ZNF738: variants seen among roughly 807,000 people sequenced by gnomAD.
The protein encoded by ZNF738 is zinc finger protein 738, also known as protein ZNF738.
A neutral mutation model predicts 9.2 loss-of-function variants in ZNF738; 10 were observed. That is an observed-to-expected ratio of 1.09 (90% CI 0.67 to 1.85). The LOEUF (loss-of-function observed/expected upper bound fraction) is 1.85. ZNF738 is among the 40% of genes most tolerant of loss of function. The probability of loss-of-function intolerance (pLI) is 0.00; values close to 1 mark genes in which losing one functional copy is unlikely to be tolerated. For synonymous variants in ZNF738, 113 were observed against 94.5 expected (o/e 1.20, Z -1.14); for missense variants, 346 against 283.6 (o/e 1.22, Z -1.58).
chr19:21,359,025 G>T lies in ZNF738; in HGVS notation c.-116G>T. Reference sequence around the variant, plus strand: ...GTCTTTGGCTGCCGCTGGAACTCCGGGTCTCGTCTTCACTGCTCTGTGTCC... The same window carrying T: ...GTCTTTGGCTGCCGCTGGAACTCCGTGTCTCGTCTTCACTGCTCTGTGTCC... On this transcript the variant is annotated 5_prime_UTR_variant, in exon 1 of 5. Coordinates refer to ENST00000683779, the MANE Select transcript of ZNF738 (RefSeq NM_001355237.2). The T allele has an allele frequency of 1.3e-6, 1 of 782,016 alleles. No homozygotes were observed. Among genetic ancestry groups the T allele is most frequent in the Non-Finnish European group, 2.3e-6 (1 of 429,052 alleles). 48.4% of individuals were successfully genotyped at this position (782,016 alleles called of 1,614,324 possible).
intron 2 of ZNF738, among the ~76,000 whole-genome samples, chr19:21,363,995 G>A (rs557994554): frequency 2.6e-5 from 4 of 151,668 alleles, no homozygotes; most frequent in Non-Finnish European, 5.9e-5. Flanking sequence ...TCAGGAGTTC[G>A]AGACCAGCCT....
chr19:21,379,055 T>TTTA (rs1193136064), intron 4 of ZNF738: 1 of 19,164 alleles, frequency 5.2e-5, no homozygotes, highest in Admixed American at 2.7e-4. Flanking sequence ...TCTGTTATTT[T>TTTA]TTATATTTTT....
chr19:21,383,260 C>T lies in ZNF738; in HGVS notation c.714C>T (p.Gly238=), dbSNP rs553462560. The T allele has an allele frequency of 2.5e-6, 4 of 1,584,616 alleles. No homozygotes were observed. Among genetic ancestry groups the T allele is most frequent in the Admixed American group, 1.7e-5 (1 of 59,232 alleles). The part of the protein sequence containing the change: ...RENSYQCEEC[G]KAFKWFSTLT... The stretch of plus-strand genomic sequence containing the variant: ...ATTCTTACCAATGTGAAGAATGTGG[C>T]AAAGCCTTTAAATGGTTCTCAACCC... The change falls in exon 5 of 5, where the codon GGC becomes GGT. Residue 238 remains glycine (G), a synonymous_variant. Coordinates refer to ENST00000683779, the MANE Select transcript of ZNF738 (RefSeq NM_001355237.2).
In ZNF738 at chr19:21,383,440, A is replaced by G. The variant is rs62110374; in HGVS notation, c.894A>G (p.Lys298=). Residue 298 remains lysine (K), a synonymous_variant, in exon 5 of 5, where the codon AAA becomes AAG. Transcript: ENST00000683779. ...GTGAAAAATGTGGCAAAGATTTTAAACAGTCCTCACACCTTACTAAACATA... is the reference window on the plus strand; with the variant it reads ...GTGAAAAATGTGGCAAAGATTTTAAGCAGTCCTCACACCTTACTAAACATA... The part of the protein sequence containing the change: ...YKCEKCGKDF[K]QSSHLTKHKT... 74 of 532,742 alleles carry G rather than the reference A, an allele frequency of 1.4e-4. No homozygotes were observed. The highest frequency in any genetic ancestry group is 2.3e-4 in the Non-Finnish European group (69 of 296,504). The allele number at this position is 532,742 out of a possible 1,614,324, so 33.0% of individuals were successfully genotyped here.
At chr19:21,361,440 C>A (rs12975081) in intron 1 of ZNF738, among the ~76,000 whole-genome samples, 86,092 of 152,154 alleles carry the variant, frequency 0.57, 24,650 homozygotes, top group Middle Eastern at 0.68. Context: ...ACACCCAGAC[C>A]AATGGTACTT....
chr19:21,382,996 T>G lies in ZNF738; in HGVS notation c.450T>G (p.Ser150Arg), dbSNP rs1251528016. Residue 150 changes from serine (S) to arginine (R), a missense_variant, in exon 5 of 5, where the codon AGT becomes AGG. Coordinates refer to ENST00000683779, the MANE Select transcript of ZNF738 (RefSeq NM_001355237.2). Reference sequence around the variant, plus strand: ...TACAGTTAAGAAAAGGCTGTAAAAGTGTGAATGAGTGTAATGTGCAAAAAG... The same window carrying G: ...TACAGTTAAGAAAAGGCTGTAAAAGGGTGAATGAGTGTAATGTGCAAAAAG... ...KDLQLRKGCK[S>R]VNECNVQKEG... 2.8e-6 allele frequency: 2 copies of G among 710,498 alleles called. No homozygotes were observed. The highest frequency in any genetic ancestry group is 5.2e-6 in the Non-Finnish European group (2 of 384,770). The allele number at this position is 710,498 out of a possible 1,614,324, so 44.0% of individuals were successfully genotyped here. A position where few individuals can be genotyped will look rare whatever the true frequency, so the allele number is the denominator to read the frequency against.
intron 4 of ZNF738, chr19:21,381,150 G>T: frequency 1.1e-6 from 1 of 929,796 alleles, no homozygotes; most frequent in South Asian, 1.6e-5. Context: ...AGAGTCACAT[G>T]ATTTCTGCAG....
In ZNF738 at chr19:21,383,224, T is replaced by A. The variant is rs200769773; in HGVS notation, c.678T>A (p.His226Gln). The part of the protein sequence containing the change: ...LLHLGQHKII[H>Q]IRENSYQCEE... ...ACCTAGGTCAACATAAAATAATTCA[T>A]ATTAGAGAGAATTCTTACCAATGTG... Residue 226 changes from histidine to glutamine, a missense_variant, in exon 5 of 5, where the codon CAT (histidine) becomes CAA (glutamine). Transcript: ENST00000683779. 20 of 1,594,868 alleles carry A rather than the reference T, an allele frequency of 1.3e-5. No individual in the cohort carries two copies. The East Asian group carries it at 4.5e-4, about 36-fold the overall frequency.
intron 1 of ZNF738, among the ~76,000 whole-genome samples, 175 bp from the exon 2 acceptor site, chr19:21,361,591 T>C (rs1973693198): frequency 6.6e-6 from 1 of 152,226 alleles, no homozygotes; most frequent in African/African-American, 2.4e-5. Flanking sequence ...CGGAATTTTT[T>C]TGGGTCAGAG....
intron 4 of ZNF738, chr19:21,381,385 T>A (rs1447090926): frequency 6.5e-7 from 1 of 1,526,880 alleles, no homozygotes; most frequent in Non-Finnish European, 9.1e-7. Context: ...GAATAACTTC[T>A]TCATCAGAAT....
rs758757360 is a variant in ZNF738, at chr19:21,377,412, A to G, written c.319+1448A>G. The G allele has an allele frequency of 1.1e-5, 8 of 706,012 alleles. No homozygotes were observed. In the Middle Eastern group the frequency reaches 7.5e-4, roughly 66 times the overall value. 43.7% of individuals were successfully genotyped at this position (706,012 alleles called of 1,614,324 possible). A position where few individuals can be genotyped will look rare whatever the true frequency, so the allele number is the denominator to read the frequency against. On this transcript the variant is annotated intron_variant, in intron 4 of 4. Coordinates refer to ENST00000683779, the MANE Select transcript of ZNF738 (RefSeq NM_001355237.2). ...AGAAAGTGGGGTATTGAAATTTCCT[A>G]CTATAATTATATTGCTGTCTAGGTG...
chr19:21,366,733 C>G (rs542972014), intron 2 of ZNF738, among the ~76,000 whole-genome samples: 2 of 152,060 alleles, frequency 1.3e-5, no homozygotes, highest in Non-Finnish European at 1.5e-5. Flanking sequence ...ATTTATATAT[C>G]TCCTTTTTAG....
In ZNF738 at chr19:21,386,475, C is replaced by T. The variant is rs1041111829; in HGVS notation, c.*2801C>T. On this transcript the variant is annotated 3_prime_UTR_variant, in exon 5 of 5. Transcript: ENST00000683779. Reference sequence around the variant, plus strand: ...AGTCCTCAACTCCCACTAAACATAACATAATTCATACTGGAGAGAAACCTC... The same window carrying T: ...AGTCCTCAACTCCCACTAAACATAATATAATTCATACTGGAGAGAAACCTC... The T allele has an allele frequency of 9.2e-6, 3 of 326,550 alleles. No homozygotes were observed. Among genetic ancestry groups the T allele is most frequent in the South Asian group, 3.1e-5 (1 of 32,154 alleles). 20.2% of individuals were successfully genotyped at this position (326,550 alleles called of 1,614,324 possible). A position where few individuals can be genotyped will look rare whatever the true frequency, so the allele number is the denominator to read the frequency against.
intron 2 of ZNF738, among the ~76,000 whole-genome samples, chr19:21,364,466 T>C (rs886064570): frequency 6.6e-6 from 1 of 152,032 alleles, no homozygotes; most frequent in Non-Finnish European, 1.5e-5. Flanking sequence ...CAAAGTTCAG[T>C]AGCCTGTGAA....
chr19:21,366,738 T>C (rs561250648), intron 2 of ZNF738, among the ~76,000 whole-genome samples: 1 of 152,308 alleles, frequency 6.6e-6, no homozygotes, highest in Non-Finnish European at 1.5e-5. Flanking sequence ...TATATCTCCT[T>C]TTTAGACCTT....
chr19:21,360,187 T>C (rs527527497), intron 1 of ZNF738, among the ~76,000 whole-genome samples: 1 of 152,158 alleles, frequency 6.6e-6, no homozygotes, highest in South Asian at 2.1e-4. Context: ...AGTTAGATTT[T>C]TTAAATTGAA....
chr19:21,379,446 T>A (rs1448939097), intron 4 of ZNF738: 1 of 152,210 alleles, frequency 6.6e-6, no homozygotes, highest in East Asian at 1.9e-4. Flanking sequence ...TATTTTTTAG[T>A]TAAAGGAAAT....
rs1427781882 is a variant in ZNF738 at position 21,388,216 on chromosome 19, C to A, written c.*4542C>A. Among the ~76,000 whole-genome samples, 1 of 152,036 alleles carries A rather than the reference C, an allele frequency of 6.6e-6. No homozygotes were observed. Among genetic ancestry groups the A allele is most frequent in the African/African-American group, 2.4e-5 (1 of 41,422 alleles). On this transcript the variant is annotated 3_prime_UTR_variant, in exon 5 of 5. Coordinates refer to ENST00000683779, the MANE Select transcript of ZNF738 (RefSeq NM_001355237.2). ...ACTACATTCTAAGTATACTTTATTTCTTGAAAAAATTACAGACTTTGAAAG... is the reference window on the plus strand; with the variant it reads ...ACTACATTCTAAGTATACTTTATTTATTGAAAAAATTACAGACTTTGAAAG...
chr19:21,363,129 GAAT>G (rs1973721516), intron 2 of ZNF738, among the ~76,000 whole-genome samples: 1 of 152,132 alleles, frequency 6.6e-6, no homozygotes, highest in Non-Finnish European at 1.5e-5. Flanking sequence ...GGAATTAATA[GAAT>G]AATACATTTA....
Sources: allele counts gnomAD v4.1 joint callset (sites outside exome capture counted in the v4.1 genomes callset), GRCh38; gene constraint gnomAD v4.1.1; transcripts MANE v1.5; gene names NCBI Gene and HGNC (gene_info 2026-07-23, HGNC 2026-07-21).